The following B3GALT1 variants were observed in gnomAD, a reference collection of about 807,000 sequenced individuals.
The protein encoded by B3GALT1 is UDP-Gal:betaGlcNAc beta 1,3-galactosyltransferase, polypeptide 1.
B3GALT1 carries 10 observed loss-of-function variants against 23.2 expected under a neutral mutation model. The observed-to-expected ratio is 0.43, with a 90% CI of 0.27 to 0.73. The LOEUF is 0.73. B3GALT1 is among the 30% of genes least tolerant of loss of function. The probability of loss-of-function intolerance (pLI) is 0.21; values close to 1 mark genes in which losing one functional copy is unlikely to be tolerated. For missense variants in B3GALT1, 299 were observed against 405.4 expected (o/e 0.74, Z 2.25); for synonymous variants, 156 against 141.5 (o/e 1.10, Z -0.73).
chr2:167,487,052 A>C lies in B3GALT1; in HGVS notation c.-510-3125A>C, dbSNP rs190247884. 7.9e-5 allele frequency among the ~76,000 whole-genome samples: 12 copies of C among 152,386 alleles called. No homozygotes were observed. The East Asian group carries it at 2.1e-3, about 27-fold the overall frequency. On this transcript the variant is annotated intron_variant, in intron 1 of 4. Transcript: ENST00000392690. ...ATACAAACAGGAACTATAATTCCTC[A>C]TCAGTAATAAAAGATTTCTTTTGAA...
intron 1 of B3GALT1, among the ~76,000 whole-genome samples, chr2:167,359,478 T>G (rs1697465964): frequency 6.6e-6 from 1 of 152,140 alleles, no homozygotes; most frequent in Non-Finnish European, 1.5e-5. Flanking sequence ...ATACAGTAGG[T>G]CTTATATATA....
At chr2:167,536,775 C>T (rs1020626568) in intron 2 of B3GALT1, among the ~76,000 whole-genome samples, 4 of 152,228 alleles carry the variant, frequency 2.6e-5, no homozygotes, top group African/African-American at 9.6e-5. Context: ...CTCCACTCTG[C>T]TGCTCAGACA....
intron 4 of B3GALT1, among the ~76,000 whole-genome samples, chr2:167,848,849 C>G (rs1034250871): frequency 6.6e-6 from 1 of 152,156 alleles, no homozygotes; most frequent in African/African-American, 2.4e-5. Context: ...AAAACCCTAA[C>G]GACTCCTCCA....
intron 1 of B3GALT1, among the ~76,000 whole-genome samples, chr2:167,431,548 A>G (rs1198470973): frequency 6.6e-6 from 1 of 152,210 alleles, no homozygotes; most frequent in African/African-American, 2.4e-5. Context: ...CTTTTAGAAT[A>G]TTAGTCCTTA....
Position 167,870,119 on chromosome 2 carries a change from G to T in B3GALT1, c.*99G>T. Reference sequence around the variant, plus strand: ...TGTCGGGGGAAATGAACTGGTGAAGGGGTTTTGTAAAGTTTTTGCTTCCTG... The same window carrying T: ...TGTCGGGGGAAATGAACTGGTGAAGTGGTTTTGTAAAGTTTTTGCTTCCTG... On this transcript the variant is annotated 3_prime_UTR_variant, in exon 5 of 5. Transcript: ENST00000392690. The T allele has an allele frequency of 6.9e-6, 9 of 1,313,790 alleles. No individual in the cohort carries two copies. The South Asian group carries it at 8.6e-5, about 13-fold the overall frequency. The allele number at this position is 1,313,790 out of a possible 1,614,324, so 81.4% of individuals were successfully genotyped here. A position where few individuals can be genotyped will look rare whatever the true frequency, so the allele number is the denominator to read the frequency against.
At chr2:167,727,822 T>A (rs1406697886) in intron 3 of B3GALT1, among the ~76,000 whole-genome samples, 1 of 152,164 alleles carries the variant, frequency 6.6e-6, no homozygotes, top group African/African-American at 2.4e-5. Flanking sequence ...AGGAATTTTT[T>A]ATTTGGCTAG....
chr2:167,466,125 A>G (rs1397328323), intron 1 of B3GALT1, among the ~76,000 whole-genome samples: 2 of 152,182 alleles, frequency 1.3e-5, no homozygotes, highest in South Asian at 2.1e-4. Context: ...AAATATTTCA[A>G]TGAATTCTTC....
chr2:167,502,717 T>C (rs1699864528), intron 2 of B3GALT1, among the ~76,000 whole-genome samples: 1 of 152,148 alleles, frequency 6.6e-6, no homozygotes, highest in African/African-American at 2.4e-5. Flanking sequence ...CACCTCCCAC[T>C]AGGCCCCTCT....
intron 3 of B3GALT1, among the ~76,000 whole-genome samples, chr2:167,712,795 A>G (rs1387623326): frequency 6.6e-6 from 1 of 152,160 alleles, no homozygotes; most frequent in East Asian, 1.9e-4. Flanking sequence ...GGCTATCTCC[A>G]TTTTAAGCAC....
At chr2:167,579,814 A>G (rs1684452218) in intron 2 of B3GALT1, among the ~76,000 whole-genome samples, 1 of 152,020 alleles carries the variant, frequency 6.6e-6, no homozygotes, top group Non-Finnish European at 1.5e-5. Flanking sequence ...GATTTCATTA[A>G]TCTGTCTGTC....
At chr2:167,307,883 G>A (rs900938190) in intron 1 of B3GALT1, among the ~76,000 whole-genome samples, 5 of 151,904 alleles carry the variant, frequency 3.3e-5, no homozygotes, top group Non-Finnish European at 7.4e-5. Flanking sequence ...AGCTTTCCAA[G>A]ATAGAAAAAC....
chr2:167,528,795 T>C (rs1225145867), intron 2 of B3GALT1, among the ~76,000 whole-genome samples: 2 of 152,172 alleles, frequency 1.3e-5, no homozygotes, highest in Non-Finnish European at 2.9e-5. Context: ...GTAATACTTT[T>C]CATTTATTTT....
chr2:167,475,902 T>TAGCAGC (rs992429907), intron 1 of B3GALT1, among the ~76,000 whole-genome samples: 2 of 152,218 alleles, frequency 1.3e-5, no homozygotes, highest in East Asian at 3.9e-4. Flanking sequence ...TGTTGTTCCT[T>TAGCAGC]AGCAGCAGCA....
At chr2:167,542,829 G>T (rs528342728) in intron 2 of B3GALT1, among the ~76,000 whole-genome samples, 1 of 150,168 alleles carries the variant, frequency 6.7e-6, no homozygotes, top group African/African-American at 2.5e-5. Flanking sequence ...GAAAGGGAAA[G>T]AACTCAGGTA....
intron 3 of B3GALT1, among the ~76,000 whole-genome samples, chr2:167,750,634 A>G (rs1447604291): frequency 6.6e-6 from 1 of 151,942 alleles, no homozygotes; most frequent in Non-Finnish European, 1.5e-5. Flanking sequence ...TCATATGACT[A>G]ATCATGAAAG....
intron 1 of B3GALT1, among the ~76,000 whole-genome samples, chr2:167,350,235 T>C (rs2105254501): frequency 6.6e-6 from 1 of 152,266 alleles, no homozygotes; most frequent in East Asian, 1.9e-4. Context: ...ATTTTGTAAA[T>C]CTCCTTGAAG....
At chr2:167,830,138 G>A (rs1574286831) in intron 4 of B3GALT1, among the ~76,000 whole-genome samples, 2 of 152,312 alleles carry the variant, frequency 1.3e-5, no homozygotes, top group Non-Finnish European at 2.9e-5. Context: ...ATGCCCACCA[G>A]AGTCTGGAAG....
intron 4 of B3GALT1, among the ~76,000 whole-genome samples, chr2:167,832,741 A>G (rs1689377857): frequency 6.6e-6 from 1 of 152,266 alleles, no homozygotes; most frequent in Non-Finnish European, 1.5e-5. Flanking sequence ...TTTAAACAGC[A>G]AAGTGCTTTC....
intron 1 of B3GALT1, among the ~76,000 whole-genome samples, chr2:167,360,804 C>T (rs1315681912): frequency 2.0e-5 from 3 of 151,882 alleles, no homozygotes; most frequent in Admixed American, 6.6e-5. Context: ...AATACTAGAA[C>T]ATATTCCTTC....
Sources: allele counts gnomAD v4.1 joint callset (sites outside exome capture counted in the v4.1 genomes callset), GRCh38; gene constraint gnomAD v4.1.1; transcripts MANE v1.5; gene names NCBI Gene and HGNC (gene_info 2026-07-23, HGNC 2026-07-21).